THEM4: variants seen among roughly 807,000 people sequenced by gnomAD.
THEM4 encodes the protein acyl-coenzyme A thioesterase THEM4.
A neutral mutation model predicts 25.0 loss-of-function variants in THEM4; 22 were observed. The ratio of observed to expected loss-of-function variants is 0.88; its 90% confidence interval spans 0.63 to 1.26. The LOEUF is 1.26. THEM4 is among the 50% of genes most tolerant of loss of function. The probability of loss-of-function intolerance (pLI) is 0.00; values close to 1 mark genes in which losing one functional copy is unlikely to be tolerated. For missense variants in THEM4, 286 were observed against 300.3 expected, an observed-to-expected ratio of 0.95 and a Z score of 0.35; for synonymous variants, 113 against 105.6, an observed-to-expected ratio of 1.07 and a Z score of -0.43.
intron 1 of THEM4, among the ~76,000 whole-genome samples, chr1:151,907,742 G>C (rs1654503301): frequency 6.6e-6 from 1 of 152,106 alleles, no homozygotes; most frequent in Non-Finnish European, 1.5e-5. Flanking sequence ...CTTTTTGGGG[G>C]GACAGCAACG....
chr1:151,876,126 G>T (rs1190920836), intron 5 of THEM4, among the ~76,000 whole-genome samples: 1 of 152,176 alleles, frequency 6.6e-6, no homozygotes, highest in Non-Finnish European at 1.5e-5. Flanking sequence ...AACAGGTCAT[G>T]TGTGTGACTT....
chr1:151,894,602 C>G (rs1298782857), intron 2 of THEM4, among the ~76,000 whole-genome samples: 1 of 152,018 alleles, frequency 6.6e-6, no homozygotes, highest in Non-Finnish European at 1.5e-5. Context: ...GTGGGTTGCC[C>G]TGGGGATTTA....
intron 4 of THEM4, among the ~76,000 whole-genome samples, chr1:151,887,823 T>C (rs1654005887): frequency 6.6e-6 from 1 of 152,146 alleles, no homozygotes; most frequent in Admixed American, 6.5e-5. Context: ...ATGTAGTAGA[T>C]GTTGGTGCTC....
chr1:151,880,682 C>A lies in THEM4; in HGVS notation c.558-3557G>T, dbSNP rs1042601903. On this transcript the variant is annotated intron_variant, in intron 4 of 5. Coordinates refer to ENST00000368814, the MANE Select transcript of THEM4 (RefSeq NM_053055.5). ...CCCCAATATTACTTTTTTGACAGTT[C>A]ATTATTTTTTCTGATCCCAGTTTTC... 9.9e-5 allele frequency among the ~76,000 whole-genome samples: 15 copies of A among 152,100 alleles called. 1 individual carries two copies. Among genetic ancestry groups the A allele is most frequent in the Non-Finnish European group, 1.2e-4 (8 of 68,026 alleles).
chr1:151,903,979 T>C (rs1485407850), intron 1 of THEM4, among the ~76,000 whole-genome samples: 1 of 152,196 alleles, frequency 6.6e-6, no homozygotes, highest in Admixed American at 6.5e-5. Flanking sequence ...ACTTAGACCC[T>C]GCCTTCAAGT....
Position 151,888,253 on chromosome 1 carries a change from G to T in THEM4, c.557+20C>A. Reference sequence around the variant, plus strand: ...ACTTAACAACACCTAAGGATAAATAGAGAATTACTGTGAATTTACCTTTTA... The same window carrying T: ...ACTTAACAACACCTAAGGATAAATATAGAATTACTGTGAATTTACCTTTTA... On this transcript the variant is annotated intron_variant, in intron 4 of 5. Coordinates refer to ENST00000368814, the MANE Select transcript of THEM4 (RefSeq NM_053055.5). The T allele has an allele frequency of 1.3e-6, 2 of 1,588,150 alleles. No homozygotes were observed. Among genetic ancestry groups the T allele is most frequent in the South Asian group, 1.1e-5 (1 of 89,366 alleles).
At chr1:151,876,430 A>G (rs1034782246) in intron 5 of THEM4, among the ~76,000 whole-genome samples, 2 of 148,230 alleles carry the variant, frequency 1.3e-5, no homozygotes, top group African/African-American at 5.0e-5. Flanking sequence ...GGTGGGTCAA[A>G]GGGCATATCA....
At chr1:151,893,486 G>A (rs1424280497) in intron 2 of THEM4, among the ~76,000 whole-genome samples, 1 of 151,858 alleles carries the variant, frequency 6.6e-6, no homozygotes, top group Non-Finnish European at 1.5e-5. Flanking sequence ...TTTATATGCT[G>A]ATACGAAACA....
chr1:151,881,295 G>A (rs1653807390), intron 4 of THEM4, among the ~76,000 whole-genome samples: 1 of 152,122 alleles, frequency 6.6e-6, no homozygotes, highest in South Asian at 2.1e-4. Context: ...AACCTCCCAA[G>A]TAGCTAGGAC....
chr1:151,882,602 T>C (rs1225936836), intron 4 of THEM4, among the ~76,000 whole-genome samples: 1 of 152,224 alleles, frequency 6.6e-6, no homozygotes, highest in Non-Finnish European at 1.5e-5. Flanking sequence ...ACTTCCCATT[T>C]TGCATTTGAG....
chr1:151,888,562 C>G (rs550293329), intron 3 of THEM4, among the ~76,000 whole-genome samples, 179 bp from the exon 4 acceptor site: 17 of 152,298 alleles, frequency 1.1e-4, no homozygotes, highest in African/African-American at 4.1e-4. Context: ...GTTTTGTTCA[C>G]AGCATAATAA....
intron 4 of THEM4, among the ~76,000 whole-genome samples, chr1:151,886,188 CAT>C (rs1402017626): frequency 6.6e-6 from 1 of 152,166 alleles, no homozygotes; most frequent in Non-Finnish European, 1.5e-5. Flanking sequence ...GCTCTCTATC[CAT>C]ATGACTTCAG....
intron 4 of THEM4, among the ~76,000 whole-genome samples, chr1:151,877,985 A>C (rs1448257940): frequency 1.3e-5 from 2 of 152,210 alleles, no homozygotes; most frequent in South Asian, 4.1e-4. Context: ...CACTGTGATG[A>C]TCTCTCTGCC....
intron 4 of THEM4, among the ~76,000 whole-genome samples, chr1:151,879,645 C>CTTTCT (rs781330840): frequency 1.4e-5 from 2 of 147,218 alleles, no homozygotes; most frequent in African/African-American, 2.5e-5. Flanking sequence ...CATTTTCTTT[C>CTTTCT]TTTCTTTTCT....
chr1:151,895,005 T>TA lies in THEM4; in HGVS notation c.286+2dup, dbSNP rs748740020. 1 of 1,614,024 alleles carries TA rather than the reference T, an allele frequency of 6.2e-7. No homozygotes were observed. On this transcript the variant is annotated splice_region_variant and intron_variant, in intron 2 of 5. Coordinates refer to ENST00000368814, the MANE Select transcript of THEM4 (RefSeq NM_053055.5). ...ATATTAATGGGAAAGTGGCTGTTTC[T>TA]ACCAAGAAAATGGGTTTTGAAGTCT...
chr1:151,874,798 C>T lies in THEM4; in HGVS notation c.*90G>A. Reference sequence around the variant, plus strand: ...GTCACTGTTGGCAGGCTTCTCCCTACAGGGATTCAGCAGTGAGGGAGCAGA... The same window carrying T: ...GTCACTGTTGGCAGGCTTCTCCCTATAGGGATTCAGCAGTGAGGGAGCAGA... On this transcript the variant is annotated 3_prime_UTR_variant, in exon 6 of 6. Coordinates refer to ENST00000368814, the MANE Select transcript of THEM4 (RefSeq NM_053055.5). 3.3e-6 allele frequency: 4 copies of T among 1,215,402 alleles called. No individual in the cohort carries two copies. Among genetic ancestry groups the T allele is most frequent in the Non-Finnish European group, 4.9e-6 (4 of 819,154 alleles). 75.3% of individuals were successfully genotyped at this position (1,215,402 alleles called of 1,614,324 possible). A position where few individuals can be genotyped will look rare whatever the true frequency, so the allele number is the denominator to read the frequency against.
At chr1:151,883,091 T>C (rs1475281255) in intron 4 of THEM4, among the ~76,000 whole-genome samples, 1 of 140,620 alleles carries the variant, frequency 7.1e-6, no homozygotes, top group Non-Finnish European at 1.5e-5. Context: ...ATCTGTCAAA[T>C]GCTTTTATTT....
At chr1:151,878,712 GTAAC>G (rs1219134879) in intron 4 of THEM4, among the ~76,000 whole-genome samples, 2 of 152,148 alleles carry the variant, frequency 1.3e-5, no homozygotes, top group Non-Finnish European at 2.9e-5. Context: ...TTTTCTAAAT[GTAAC>G]TAATATTTAG....
chr1:151,906,803 T>C (rs1475555154), intron 1 of THEM4, among the ~76,000 whole-genome samples: 1 of 152,136 alleles, frequency 6.6e-6, no homozygotes, highest in Admixed American at 6.5e-5. Flanking sequence ...TGACACTCTG[T>C]ATCTAGCTAA....
Sources: gnomAD v4.1 joint callset for allele counts (sites outside exome capture counted in the v4.1 genomes callset) on GRCh38, gnomAD v4.1.1 for gene constraint, MANE v1.5 for transcripts, NCBI Gene and HGNC (gene_info 2026-07-23, HGNC 2026-07-21) for gene names.